The following ZNF654 variants were observed in gnomAD, a reference collection of about 807,000 sequenced individuals.
ZNF654 encodes the protein zinc finger protein 654, also known as melanoma-associated antigen.
Under a neutral mutation model 95.3 loss-of-function variants are expected in ZNF654, and 19 were observed. The observed-to-expected ratio is 0.20, with a 90% CI of 0.14 to 0.29. The LOEUF is 0.29. Ranked by LOEUF, ZNF654 falls within the 10% of genes least tolerant of loss-of-function variation. ZNF654 has a pLI of 1.00. For missense variants in ZNF654, 1,046 were observed against 1,341.0 expected (o/e 0.78, Z 3.44); for synonymous variants, 413 against 457.9 (o/e 0.90, Z 1.25).
intron 1 of ZNF654, among the ~76,000 whole-genome samples, chr3:88,068,042 G>A (rs955625061): frequency 3.6e-4 from 55 of 152,284 alleles, no homozygotes; most frequent in African/African-American, 1.3e-3. Context: ...AGCACAAGTG[G>A]AGGGGTGTTG....
intron 2 of ZNF654, among the ~76,000 whole-genome samples, chr3:88,110,293 G>A (rs753112645): frequency 2.1e-4 from 32 of 152,078 alleles, no homozygotes; most frequent in Admixed American, 4.6e-4. Context: ...GGTCTGTAAA[G>A]GACCAGATAC....
chr3:88,082,045 A>G (rs1325667480), intron 1 of ZNF654, among the ~76,000 whole-genome samples: 1 of 152,186 alleles, frequency 6.6e-6, no homozygotes, highest in Non-Finnish European at 1.5e-5. Flanking sequence ...CGTTCAACAA[A>G]TTCATACAGG....
intron 1 of ZNF654, among the ~76,000 whole-genome samples, chr3:88,070,974 TAATC>T (rs767777192): frequency 1.2e-4 from 18 of 152,240 alleles, no homozygotes; most frequent in Non-Finnish European, 1.5e-4. Context: ...ACATAAAACA[TAATC>T]AAGCTGAGGG....
At position 88,128,956 on chromosome 3, in the gene ZNF654, A is replaced by G. The variant is rs1285197301; in HGVS notation, c.698A>G (p.Gln233Arg). 6.5e-7 allele frequency: 1 copy of G among 1,535,306 alleles called. No homozygotes were observed. The highest frequency in any genetic ancestry group is 8.7e-7 in the Non-Finnish European group (1 of 1,146,498). Residue 233 changes from glutamine (Q) to arginine (R), a missense_variant, in exon 5 of 9, where the codon CAA (glutamine) becomes CGA (arginine). Coordinates refer to ENST00000636215, the MANE Select transcript of ZNF654 (RefSeq NM_001350134.2). ...PEISKDLYFH[Q>R]ALFTCLFMSP... ...ATCAGTAAAGACTTATACTTCCATC[A>G]AGCACTCTTCACATGTCTGTTTATG...
intron 2 of ZNF654, among the ~76,000 whole-genome samples, chr3:88,089,834 C>G (rs1708540755): frequency 6.6e-6 from 1 of 152,132 alleles, no homozygotes; most frequent in Non-Finnish European, 1.5e-5. Context: ...TTGGGCTAGT[C>G]CATGGCTAGG....
chr3:88,103,913 C>A (rs1414447942), intron 2 of ZNF654, among the ~76,000 whole-genome samples: 1 of 151,664 alleles, frequency 6.6e-6, no homozygotes, highest in African/African-American at 2.4e-5. Context: ...ATTACAGGTG[C>A]CCGCCCCTAT....
chr3:88,139,205 T>C lies in ZNF654; in HGVS notation c.1536T>C (p.Pro512=), dbSNP rs577079697. 7 of 1,460,178 alleles carry C rather than the reference T, an allele frequency of 4.8e-6. No individual in the cohort carries two copies. Among genetic ancestry groups the C allele is most frequent in the Non-Finnish European group, 3.6e-6 (4 of 1,108,120 alleles). The allele number at this position is 1,460,178 out of a possible 1,614,324, so 90.5% of individuals were successfully genotyped here. ...LTDQSTGETD[P]DDVSGVQPKG... Reference sequence around the variant, plus strand: ...ATCAGAGCACTGGAGAGACTGATCCTGATGATGTATCTGGAGTGCAGCCTA... The same window carrying C: ...ATCAGAGCACTGGAGAGACTGATCCCGATGATGTATCTGGAGTGCAGCCTA... Residue 512 remains proline, a synonymous_variant, in exon 8 of 9, where the codon CCT becomes CCC. Coordinates refer to ENST00000636215, the MANE Select transcript of ZNF654 (RefSeq NM_001350134.2).
intron 2 of ZNF654, among the ~76,000 whole-genome samples, chr3:88,092,780 T>C (rs1451127363): frequency 2.0e-5 from 3 of 152,208 alleles, no homozygotes; most frequent in Admixed American, 1.3e-4. Flanking sequence ...TAAGTTACTA[T>C]ATTCTCTGGC....
intron 2 of ZNF654, among the ~76,000 whole-genome samples, chr3:88,101,795 G>T (rs557863197): frequency 1.3e-5 from 2 of 152,094 alleles, no homozygotes; most frequent in Non-Finnish European, 2.9e-5. Context: ...TCTTATGGGG[G>T]TAGCAGTTTC....
chr3:88,128,921 T>A lies in ZNF654; in HGVS notation c.663T>A (p.Asn221Lys). 2 of 1,535,612 alleles carry A rather than the reference T, an allele frequency of 1.3e-6. No individual in the cohort carries two copies. Among genetic ancestry groups the A allele is most frequent in the Middle Eastern group, 1.7e-4 (1 of 5,984 alleles). The stretch of plus-strand genomic sequence containing the variant: ...TGGCTCTTATTAAATCTTGTATAAA[T>A]CACCCAGAAATCAGTAAAGACTTAT... ...EAMALIKSCI[N>K]HPEISKDLYF... is the part of the protein sequence containing the mutation. The change falls in exon 5 of 9, where the codon AAT (asparagine) becomes AAA (lysine). Residue 221 changes from asparagine (N) to lysine (K), a missense_variant. Asn to Lys is a moderately conservative substitution (Grantham distance 94). Around this residue, in one of 9 missense-constraint regions of ZNF654, gnomAD observed 121 missense variants for 141.7 expected, o/e 0.85. Transcript: ENST00000636215.
chr3:88,123,566 C>A (rs1172163327), intron 3 of ZNF654, among the ~76,000 whole-genome samples: 15 of 152,100 alleles, frequency 9.9e-5, no homozygotes, highest in Non-Finnish European at 2.2e-4. Context: ...AATTCTGATT[C>A]AGTAGGTCTA....
chr3:88,065,895 G>A (rs530836249), intron 1 of ZNF654, among the ~76,000 whole-genome samples: 4 of 152,088 alleles, frequency 2.6e-5, no homozygotes, highest in Middle Eastern at 6.8e-3. Flanking sequence ...CACCATGCCC[G>A]GCTAAATTTT....
At chr3:88,099,528 A>C (rs1704275636) in intron 2 of ZNF654, among the ~76,000 whole-genome samples, 1 of 147,348 alleles carries the variant, frequency 6.8e-6, no homozygotes, top group East Asian at 2.1e-4. Context: ...AGACAATCCT[A>C]AGCCAAAGAA....
chr3:88,143,241 C>T lies in ZNF654; in HGVS notation c.*1589C>T, dbSNP rs1347643445. ...GATCAGATGATTTTTTTTTAATTTCCCGGTTTTATTGGTTTATCATCAGCA... is the reference window on the plus strand; with the variant it reads ...GATCAGATGATTTTTTTTTAATTTCTCGGTTTTATTGGTTTATCATCAGCA... On this transcript the variant is annotated 3_prime_UTR_variant, in exon 9 of 9. Coordinates refer to ENST00000636215, the MANE Select transcript of ZNF654 (RefSeq NM_001350134.2). 5 of 151,448 alleles carry T rather than the reference C, an allele frequency of 3.3e-5. No homozygotes were observed. Among genetic ancestry groups the T allele is most frequent in the Non-Finnish European group, 7.4e-5 (5 of 67,554 alleles). 9.4% of individuals were successfully genotyped at this position (151,448 alleles called of 1,614,324 possible).
chr3:88,066,054 A>C (rs563333692), intron 1 of ZNF654, among the ~76,000 whole-genome samples: 2 of 152,318 alleles, frequency 1.3e-5, no homozygotes, highest in South Asian at 4.1e-4. Context: ...TATTTTGTAC[A>C]AATAGATACA....
chr3:88,081,113 T>C (rs1708054083), intron 1 of ZNF654, among the ~76,000 whole-genome samples: 1 of 152,136 alleles, frequency 6.6e-6, no homozygotes. Flanking sequence ...TATCCCTCAG[T>C]TTGGGTTTGT....
chr3:88,120,226 G>T (rs146877610), intron 3 of ZNF654, among the ~76,000 whole-genome samples: 26 of 152,236 alleles, frequency 1.7e-4, no homozygotes, highest in Admixed American at 9.2e-4. Context: ...GAAGCAGAAT[G>T]AGGGCCTAAG....
intron 1 of ZNF654, among the ~76,000 whole-genome samples, chr3:88,061,913 C>G (rs569393558): frequency 5.0e-4 from 76 of 152,140 alleles, no homozygotes; most frequent in African/African-American, 1.8e-3. Context: ...AGTGGTGTTT[C>G]AAAGAAAGGC....
chr3:88,128,291 T>A (rs1459019805), intron 4 of ZNF654, among the ~76,000 whole-genome samples: 1 of 152,124 alleles, frequency 6.6e-6, no homozygotes, highest in East Asian at 1.9e-4. Context: ...GCACTACTTT[T>A]GGATTAATTT....
Sources: allele counts gnomAD v4.1 joint callset (sites outside exome capture counted in the v4.1 genomes callset), GRCh38; gene constraint gnomAD v4.1.1; regional missense constraint gnomAD v4.1.1; transcripts MANE v1.5; gene names NCBI Gene and HGNC (gene_info 2026-07-23, HGNC 2026-07-21).